TMEM217: variants seen among roughly 807,000 people sequenced by gnomAD.
The protein encoded by TMEM217 is chromosome 6 open reading frame 128.
For missense variants in TMEM217, 204 were observed against 248.8 expected, an observed-to-expected ratio of 0.82 and a Z score of 1.21; for synonymous variants, 76 against 88.3, an observed-to-expected ratio of 0.86 and a Z score of 0.78.
intron 1 of TMEM217, among the ~76,000 whole-genome samples, chr6:37,226,320 T>C (rs1358842854): frequency 7.5e-6 from 1 of 132,456 alleles, no homozygotes; most frequent in Non-Finnish European, 1.6e-5. Context: ...TGAGACAGAG[T>C]CTCGCTCTTT....
Position 37,219,042 on chromosome 6 carries a change from C to A in TMEM217, c.-11-1G>T. 6.2e-7 allele frequency: 1 copy of A among 1,606,754 alleles called. No individual in the cohort carries two copies. The highest frequency in any genetic ancestry group is 8.5e-7 in the Non-Finnish European group (1 of 1,174,822). ...TGCTGCTGTTTCATGCTGAGACCTC[C>A]TGTGAAGACAAACAACATGAGGGAG... is the stretch of plus-strand genomic sequence containing the variant. On this transcript the variant is annotated splice_acceptor_variant, in intron 1 of 1. Coordinates refer to ENST00000357219, the Ensembl canonical transcript of TMEM217. LOFTEE classifies it low-confidence loss of function (5UTR_SPLICE).
chr6:37,233,465 T>C (rs1186243068), intron 1 of TMEM217, among the ~76,000 whole-genome samples: 1 of 152,214 alleles, frequency 6.6e-6, no homozygotes, highest in Non-Finnish European at 1.5e-5. Context: ...TCAGGTGGCA[T>C]CTTGCCACTG....
At chr6:37,258,096 GC>G (rs1765886966) in exon 1 of TMEM217, 4 of 1,111,434 alleles carry the variant, frequency 3.6e-6, no homozygotes. Flanking sequence ...AGCTGGGACT[GC>G]CTGGTGGCGG....
chr6:37,230,799 T>G (rs1055336465), intron 1 of TMEM217, among the ~76,000 whole-genome samples: 1 of 152,170 alleles, frequency 6.6e-6, no homozygotes, highest in Non-Finnish European at 1.5e-5. Flanking sequence ...AGAACAGCCT[T>G]TCAATTCTTC....
downstream of TMEM217, among the ~76,000 whole-genome samples, chr6:37,214,796 A>G (rs1763094958): frequency 6.6e-6 from 1 of 152,290 alleles, no homozygotes; most frequent in Middle Eastern, 3.4e-3. Context: ...GACTCCAGAT[A>G]CACAAAACTC....
At chr6:37,245,902 C>A (rs1470903766) in intron 1 of TMEM217, among the ~76,000 whole-genome samples, 3 of 152,004 alleles carry the variant, frequency 2.0e-5, no homozygotes, top group Admixed American at 6.5e-5. Context: ...CGGGTTCAAG[C>A]GATTCTCCTG....
downstream of TMEM217, chr6:37,212,654 G>C: frequency 1.8e-6 from 1 of 562,348 alleles, no homozygotes; most frequent in Non-Finnish European, 3.4e-6. Flanking sequence ...CCGTTGAGGA[G>C]CAGGACTATG....
At chr6:37,251,986 C>T (rs1439877868) in intron 1 of TMEM217, among the ~76,000 whole-genome samples, 3 of 152,092 alleles carry the variant, frequency 2.0e-5, no homozygotes, top group Non-Finnish European at 4.4e-5. Flanking sequence ...CTCCACCTCC[C>T]AGGTTCAAGC....
At chr6:37,257,759 T>G (rs1407245686) in exon 1 of TMEM217, 4 of 739,882 alleles carry the variant, frequency 5.4e-6, no homozygotes, top group Admixed American at 2.6e-5. Context: ...CGGTGCTGGG[T>G]GGAGGGGTGC....
intron 1 of TMEM217, among the ~76,000 whole-genome samples, chr6:37,238,951 G>A (rs1764625894): frequency 6.6e-6 from 1 of 151,976 alleles, no homozygotes; most frequent in South Asian, 2.1e-4. Context: ...CCAACAGGGT[G>A]AAACCCTGTC....
chr6:37,240,621 C>A (rs1055060316), intron 1 of TMEM217, among the ~76,000 whole-genome samples: 1 of 152,046 alleles, frequency 6.6e-6, no homozygotes, highest in African/African-American at 2.4e-5. Context: ...GGGGAGAGGA[C>A]AACATAAGGG....
At chr6:37,257,989 TGA>T in exon 1 of TMEM217, 7 of 1,613,688 alleles carry the variant, frequency 4.3e-6, no homozygotes, top group Non-Finnish European at 5.1e-6. Flanking sequence ...CCCAGGACGC[TGA>T]GAGGGATAGG....
intron 1 of TMEM217, among the ~76,000 whole-genome samples, chr6:37,229,607 G>A (rs974484273): frequency 6.6e-6 from 1 of 152,088 alleles, no homozygotes; most frequent in Non-Finnish European, 1.5e-5. Flanking sequence ...CTCCCAAAGT[G>A]CTGGGATTAC....
chr6:37,222,826 G>C (rs926841932), intron 1 of TMEM217, among the ~76,000 whole-genome samples: 1 of 152,220 alleles, frequency 6.6e-6, no homozygotes, highest in Non-Finnish European at 1.5e-5. Context: ...AAGGGGCCGG[G>C]CTTCCACCGG....
intron 1 of TMEM217, among the ~76,000 whole-genome samples, chr6:37,235,232 T>A (rs1222751472): frequency 6.6e-6 from 1 of 152,236 alleles, no homozygotes; most frequent in Admixed American, 6.5e-5. Context: ...TTGGAAGTGA[T>A]TCCAATTCCA....
At chr6:37,237,996 C>T (rs1475695884) in intron 1 of TMEM217, among the ~76,000 whole-genome samples, 1 of 152,024 alleles carries the variant, frequency 6.6e-6, no homozygotes, top group African/African-American at 2.4e-5. Context: ...GCTGACCAGA[C>T]ACTAATTTTA....
At chr6:37,252,633 ATATATTTT>A (rs1416807938) in intron 1 of TMEM217, among the ~76,000 whole-genome samples, 878 of 75,068 alleles carry the variant, frequency 0.012, 5 homozygotes, top group African/African-American at 0.044. Context: ...ATATATATAT[ATATATTTT>A]TTTTTTTTTT....
At chr6:37,212,955 C>T (rs535341343), downstream of TMEM217, 3 of 1,549,334 alleles carry the variant, frequency 1.9e-6, no homozygotes, top group East Asian at 4.9e-5. Flanking sequence ...TGAGGGAGAA[C>T]ATCCTGACAT....
intron 1 of TMEM217, among the ~76,000 whole-genome samples, chr6:37,240,938 G>GT (rs1430739691): frequency 6.6e-6 from 1 of 151,856 alleles, no homozygotes; most frequent in Non-Finnish European, 1.5e-5. Context: ...TTTAATTTTT[G>GT]TATCTTATTG....
Sources: allele counts gnomAD v4.1 joint callset (sites outside exome capture counted in the v4.1 genomes callset), GRCh38; gene constraint gnomAD v4.1.1; transcripts MANE v1.5; gene names NCBI Gene and HGNC (gene_info 2026-07-23, HGNC 2026-07-21).